Variants in ILKAP observed in about 807,000 individuals in gnomAD.
ILKAP encodes ILK associated serine/threonine phosphatase, also known as integrin-linked kinase-associated serine/threonine phosphatase 2C.
ILKAP carries 11 observed loss-of-function variants against 49.1 expected under a neutral mutation model. The ratio of observed to expected loss-of-function variants is 0.22; its 90% CI spans 0.14 to 0.37. The LOEUF (loss-of-function observed/expected upper bound fraction) is 0.37. Among genes scored for constraint, ILKAP ranks in the 10% least tolerant of loss-of-function variants. ILKAP has a pLI of 1.00. For missense variants in ILKAP, 363 were observed against 510.8 expected, an observed-to-expected ratio of 0.71 and a Z score of 2.79; for synonymous variants, 186 against 192.8, an observed-to-expected ratio of 0.96 and a Z score of 0.29.
chr2:238,190,158 G>C (rs1237169581), intron 3 of ILKAP, among the ~76,000 whole-genome samples, 186 bp from the exon 4 acceptor site: 1 of 152,158 alleles, frequency 6.6e-6, no homozygotes, highest in African/African-American at 2.4e-5. Context: ...CCCACAGTGA[G>C]AGAACATAAA....
intron 9 of ILKAP, among the ~76,000 whole-genome samples, chr2:238,175,463 C>A (rs13001876): frequency 0.28 from 42,228 of 152,090 alleles, 6,257 homozygotes; most frequent in South Asian, 0.37. Flanking sequence ...GGAGAAAGCA[C>A]AATGGACAGA....
chr2:238,202,899 A>AAAAACTAC (rs2106343728), intron 1 of ILKAP, among the ~76,000 whole-genome samples: 2 of 152,060 alleles, frequency 1.3e-5, no homozygotes, highest in South Asian at 4.2e-4. Flanking sequence ...AAAAAAAAAA[A>AAAAACTAC]AAAACTACTG....
At chr2:238,200,505 G>A (rs182949201) in intron 1 of ILKAP, among the ~76,000 whole-genome samples, 86 of 152,254 alleles carry the variant, frequency 5.6e-4, no homozygotes, top group Admixed American at 1.0e-3. Flanking sequence ...TTAAGACTGC[G>A]TTTTTCCACT....
At chr2:238,176,954 T>C (rs1216320726) in intron 9 of ILKAP, among the ~76,000 whole-genome samples, 2 of 152,236 alleles carry the variant, frequency 1.3e-5, no homozygotes, top group Non-Finnish European at 2.9e-5. Context: ...GGTACAATGC[T>C]AGAACAGTTA....
intron 9 of ILKAP, among the ~76,000 whole-genome samples, chr2:238,179,460 G>T (rs1262111870): frequency 6.6e-6 from 1 of 152,210 alleles, no homozygotes; most frequent in Non-Finnish European, 1.5e-5. Context: ...CATGTGAAAA[G>T]AATCACAGAA....
At chr2:238,192,797 A>AAGGTCAGGAGTTCGAGACCAGCCTG (rs1441309108) in intron 3 of ILKAP, among the ~76,000 whole-genome samples, 3 of 151,972 alleles carry the variant, frequency 2.0e-5, no homozygotes, top group African/African-American at 7.3e-5. Context: ...GACAGATCAC[A>AAGGTCAGGAGTTCGAGACCAGCCTG]AGGTCAGGAG....
chr2:238,192,738 G>A (rs1240848748), intron 3 of ILKAP, among the ~76,000 whole-genome samples: 2 of 151,794 alleles, frequency 1.3e-5, no homozygotes, highest in Non-Finnish European at 2.9e-5. Context: ...TTATCGGCTG[G>A]GTGCAGTGGC....
chr2:238,187,411 CGTAAT>C (rs1237462393), intron 5 of ILKAP, among the ~76,000 whole-genome samples: 3 of 151,990 alleles, frequency 2.0e-5, no homozygotes, highest in African/African-American at 7.3e-5. Context: ...AGTAAAGGTA[CGTAAT>C]GTATTTATTA....
intron 4 of ILKAP, among the ~76,000 whole-genome samples, chr2:238,189,085 G>A (rs924252138): frequency 2.0e-5 from 3 of 151,992 alleles, no homozygotes; most frequent in South Asian, 4.2e-4. Context: ...CTGGGAAGCC[G>A]AGGCGGGCAG....
intron 5 of ILKAP, chr2:238,185,527 G>A: frequency 2.5e-6 from 1 of 394,486 alleles, no homozygotes. Flanking sequence ...GTGTGGGCCA[G>A]GTGTGGTGGC....
intron 3 of ILKAP, among the ~76,000 whole-genome samples, chr2:238,192,658 C>A (rs981932298): frequency 6.6e-6 from 1 of 150,556 alleles, no homozygotes; most frequent in Non-Finnish European, 1.5e-5. Context: ...TGAGATCGCG[C>A]CACTGCACTC....
intron 3 of ILKAP, among the ~76,000 whole-genome samples, chr2:238,192,095 C>G (rs1363120619): frequency 1.3e-5 from 2 of 150,300 alleles, no homozygotes; most frequent in Non-Finnish European, 3.0e-5. Context: ...GCCTATAGTC[C>G]CAGCTACTCG....
chr2:238,194,816 C>T lies in ILKAP; in HGVS notation c.110G>A (p.Ser37Asn), dbSNP rs1247370382. ...LLFDDLPPAS[S>N]TDSGSGGPLL... ...CCTGAAGACTGTACCTGAGTCAGTACTGCTGGCCGGAGGGAGGTCATCAAA... is the reference window on the plus strand; with the variant it reads ...CCTGAAGACTGTACCTGAGTCAGTATTGCTGGCCGGAGGGAGGTCATCAAA... The change falls in exon 2 of 12, where the codon AGT becomes AAT. Residue 37 changes from serine to asparagine, a missense_variant. Around this residue, in one of 3 missense-constraint regions of ILKAP, gnomAD observed 114 missense variants for 116.0 expected, o/e 0.98. Coordinates refer to ENST00000254654, the MANE Select transcript of ILKAP (RefSeq NM_030768.3). The T allele has an allele frequency of 6.2e-7, 1 of 1,614,022 alleles. No individual in the cohort carries two copies. The highest frequency in any genetic ancestry group is 2.2e-5 in the East Asian group (1 of 44,894).
intron 1 of ILKAP, among the ~76,000 whole-genome samples, chr2:238,196,441 G>A (rs531387400): frequency 1.2e-4 from 18 of 151,820 alleles, no homozygotes; most frequent in African/African-American, 4.3e-4. Flanking sequence ...TGGCCAGGTT[G>A]GTCTCAAACT....
intron 11 of ILKAP, 45 bp from the exon 12 acceptor site, chr2:238,170,721 C>T (rs1347676025): frequency 6.2e-7 from 1 of 1,600,574 alleles, no homozygotes; most frequent in African/African-American, 1.3e-5. Context: ...GACCCCGCAC[C>T]CTGTCACTTT....
chr2:238,194,663 A>G, intron 2 of ILKAP, 142 bp downstream of exon 2: 2 of 819,884 alleles, frequency 2.4e-6, no homozygotes, highest in Admixed American at 5.3e-5. Flanking sequence ...ACCTGATGCC[A>G]TGGATTCAAA....
chr2:238,178,335 C>A (rs1693552326), intron 9 of ILKAP, among the ~76,000 whole-genome samples: 1 of 152,202 alleles, frequency 6.6e-6, no homozygotes, highest in African/African-American at 2.4e-5. Context: ...GCGCACACCA[C>A]CAGAACTGGC....
At chr2:238,179,901 C>T (rs747434522) in intron 9 of ILKAP, among the ~76,000 whole-genome samples, 3 of 152,096 alleles carry the variant, frequency 2.0e-5, no homozygotes, top group Non-Finnish European at 4.4e-5. Flanking sequence ...AAATGAGTCT[C>T]GGCAGGGTGC....
At position 238,203,508 on chromosome 2, in the gene ILKAP, G is replaced by C; in HGVS notation, c.46C>G (p.Pro16Ala). 1.6e-6 allele frequency: 2 copies of C among 1,253,670 alleles called. No individual in the cohort carries two copies. Among genetic ancestry groups the C allele is most frequent in the Non-Finnish European group, 1.0e-6 (1 of 988,254 alleles). 77.7% of individuals were successfully genotyped at this position (1,253,670 alleles called of 1,614,324 possible). Residue 16 changes from proline to alanine, a missense_variant, in exon 1 of 12, where the codon CCG becomes GCG. By Grantham distance (27) the Pro-to-Ala change is conservative. This residue lies in a region of ILKAP where 114 missense variants were observed against 116.0 expected (regional missense o/e 0.98). Coordinates refer to ENST00000254654, the MANE Select transcript of ILKAP (RefSeq NM_030768.3). ...CGGCAACGCCGCTTACCGGCAGCCG[G>C]GCGCGGCGAGCGCTCGGGCTCCGGC... ...DLPEPERSPR[P>A]AAGKEAQKGP...
Sources: gnomAD v4.1 joint callset for allele counts (sites outside exome capture counted in the v4.1 genomes callset) on GRCh38, gnomAD v4.1.1 for gene constraint, gnomAD v4.1.1 regional missense constraint, MANE v1.5 for transcripts, NCBI Gene and HGNC (gene_info 2026-07-23, HGNC 2026-07-21) for gene names.